The following PACRG variants were observed in gnomAD, a reference collection of about 807,000 sequenced individuals.
The protein encoded by PACRG is parkin coregulated gene protein.
A neutral mutation model predicts 29.7 loss-of-function variants in PACRG; 29 were observed. That is an observed-to-expected ratio of 0.98 (90% CI 0.73 to 1.33). The LOEUF (loss-of-function observed/expected upper bound fraction) is 1.33. Ranked by LOEUF, PACRG falls within the 40% of genes most tolerant of loss-of-function variation. The pLI is 0.00. For synonymous variants in PACRG, 116 were observed against 118.7 expected (o/e 0.98, Z 0.15); for missense variants, 279 against 316.2 (o/e 0.88, Z 0.89).
At chr6:163,030,369 A>G (rs1388704102) in intron 2 of PACRG, among the ~76,000 whole-genome samples, 1 of 152,216 alleles carries the variant, frequency 6.6e-6, no homozygotes, top group African/African-American at 2.4e-5. Context: ...GTAAGTTCCA[A>G]CATAAAGTTT....
At chr6:162,905,083 G>A (rs537002580) in intron 2 of PACRG, among the ~76,000 whole-genome samples, 2 of 152,326 alleles carry the variant, frequency 1.3e-5, no homozygotes, top group East Asian at 3.9e-4. Context: ...ATCAGGAAAA[G>A]CCTCCTGGTC....
chr6:163,266,454 C>T (rs554636768), intron 4 of PACRG, among the ~76,000 whole-genome samples: 1 of 152,230 alleles, frequency 6.6e-6, no homozygotes, highest in African/African-American at 2.4e-5. Context: ...TCTGAATTTC[C>T]TGGTCTGTGT....
intron 2 of PACRG, among the ~76,000 whole-genome samples, chr6:162,878,796 A>G (rs2128008845): frequency 6.6e-6 from 1 of 152,342 alleles, no homozygotes; most frequent in South Asian, 2.1e-4. Flanking sequence ...GATTTGTAGT[A>G]TGTTAAGATG....
At chr6:162,968,336 A>G (rs1290925638) in intron 2 of PACRG, among the ~76,000 whole-genome samples, 1 of 152,252 alleles carries the variant, frequency 6.6e-6, no homozygotes, top group African/African-American at 2.4e-5. Context: ...TTTTGAAATT[A>G]TAATGGGATT....
rs940614023 is a variant in PACRG at position 163,061,654 on chromosome 6, A to G, written c.292-496A>G. Among the ~76,000 whole-genome samples, 4 of 151,492 alleles carry G rather than the reference A, an allele frequency of 2.6e-5. No homozygotes were observed. In the East Asian group the frequency reaches 7.8e-4, roughly 29 times the overall value. On this transcript the variant is annotated intron_variant, in intron 2 of 4. Coordinates refer to ENST00000366888, the MANE Select transcript of PACRG (RefSeq NM_001080379.2). Reference sequence around the variant, plus strand: ...GTGAACAAGCCAGGAATCATGCTTGACCTCTCACTCTCCTGTTTGCCCCAA... The same window carrying G: ...GTGAACAAGCCAGGAATCATGCTTGGCCTCTCACTCTCCTGTTTGCCCCAA...
chr6:162,888,924 T>C (rs576068184), intron 2 of PACRG, among the ~76,000 whole-genome samples: 8 of 152,256 alleles, frequency 5.3e-5, no homozygotes, highest in African/African-American at 1.4e-4. Flanking sequence ...AAAGAGAGCA[T>C]AGGTTTATAT....
chr6:163,019,234 T>C (rs982524011), intron 2 of PACRG, among the ~76,000 whole-genome samples: 1 of 152,212 alleles, frequency 6.6e-6, no homozygotes, highest in Non-Finnish European at 1.5e-5. Flanking sequence ...TCTTTTTCTA[T>C]CTGCCTACTC....
chr6:162,870,103 T>G (rs1019460419), intron 2 of PACRG, among the ~76,000 whole-genome samples: 50 of 152,348 alleles, frequency 3.3e-4, no homozygotes, highest in Admixed American at 3.0e-3. Context: ...GAGCCCCTCC[T>G]GGGTTTGGTA....
intron 1 of PACRG, among the ~76,000 whole-genome samples, chr6:162,750,497 A>G (rs1218682934): frequency 1.3e-5 from 2 of 152,224 alleles, no homozygotes; most frequent in African/African-American, 4.8e-5. Context: ...CTGCAGGATG[A>G]TAAAATCTTA....
intron 2 of PACRG, among the ~76,000 whole-genome samples, chr6:162,894,171 A>G (rs974325869): frequency 6.6e-6 from 1 of 152,084 alleles, no homozygotes; most frequent in African/African-American, 2.4e-5. Flanking sequence ...GAATATGATA[A>G]TATTTCTACA....
intron 3 of PACRG, among the ~76,000 whole-genome samples, chr6:163,063,004 C>G (rs1229134148): frequency 6.6e-6 from 1 of 152,098 alleles, no homozygotes; most frequent in Non-Finnish European, 1.5e-5. Context: ...GTAGAGCCAC[C>G]CTGATGGGCA....
At chr6:162,960,332 A>G (rs1432883460) in intron 2 of PACRG, among the ~76,000 whole-genome samples, 1 of 152,258 alleles carries the variant, frequency 6.6e-6, no homozygotes, top group African/African-American at 2.4e-5. Context: ...CACTATTGAC[A>G]ATACCAAAGA....
At chr6:162,982,717 GCCTA>G in intron 2 of PACRG, among the ~76,000 whole-genome samples, 1 of 151,976 alleles carries the variant, frequency 6.6e-6, no homozygotes, top group Non-Finnish European at 1.5e-5. Context: ...TTGTTTTGTG[GCCTA>G]TCATATGGTC....
At chr6:162,739,651 G>A (rs1177237419) in intron 1 of PACRG, among the ~76,000 whole-genome samples, 6 of 151,838 alleles carry the variant, frequency 4.0e-5, no homozygotes, top group Non-Finnish European at 7.4e-5. Context: ...AGACCATCCC[G>A]GCTAACATGG....
intron 2 of PACRG, among the ~76,000 whole-genome samples, chr6:163,052,556 G>A (rs1439270203): frequency 6.6e-6 from 1 of 152,116 alleles, no homozygotes; most frequent in Non-Finnish European, 1.5e-5. Flanking sequence ...ATTGGATCAT[G>A]GGGGTGGTTT....
At chr6:162,986,046 G>T (rs996796189) in intron 2 of PACRG, among the ~76,000 whole-genome samples, 1 of 152,110 alleles carries the variant, frequency 6.6e-6, no homozygotes, top group Non-Finnish European at 1.5e-5. Flanking sequence ...ACAAAACACT[G>T]CTGAAAGAAA....
At chr6:163,309,039 T>TA (rs35103671) in intron 4 of PACRG, among the ~76,000 whole-genome samples, 1 of 151,492 alleles carries the variant, frequency 6.6e-6, no homozygotes, top group East Asian at 1.9e-4. Context: ...ATTTTTTTTT[T>TA]AAATTCCACT....
At chr6:162,944,086 G>A (rs563879420) in intron 2 of PACRG, among the ~76,000 whole-genome samples, 3 of 152,128 alleles carry the variant, frequency 2.0e-5, no homozygotes, top group East Asian at 1.9e-4. Context: ...GGGTATTCTT[G>A]GCCCGTCACT....
chr6:162,943,152 G>A (rs1798749306), intron 2 of PACRG, among the ~76,000 whole-genome samples: 2 of 152,324 alleles, frequency 1.3e-5, no homozygotes, highest in South Asian at 4.1e-4. Flanking sequence ...TTGCTCGAGA[G>A]AAGCTCATGC....
Sources: allele counts gnomAD v4.1 joint callset (sites outside exome capture counted in the v4.1 genomes callset), GRCh38; gene constraint gnomAD v4.1.1; transcripts MANE v1.5; gene names NCBI Gene and HGNC (gene_info 2026-07-23, HGNC 2026-07-21).